Variants in SPIRE1 observed in about 807,000 individuals in gnomAD.
SPIRE1 encodes protein spire homolog 1.
In SPIRE1, 40 loss-of-function variants were observed where a neutral mutation model predicts 94.1. The ratio of observed to expected loss-of-function variants is 0.43; its 90% CI spans 0.33 to 0.55. SPIRE1 has a LOEUF of 0.55. Among genes scored for constraint, SPIRE1 ranks in the 20% least tolerant of loss-of-function variants. The probability of loss-of-function intolerance (pLI) is 0.06; values close to 1 mark genes in which losing one functional copy is unlikely to be tolerated. For missense variants in SPIRE1, 838 were observed against 975.2 expected, an observed-to-expected ratio of 0.86 and a Z score of 1.87; for synonymous variants, 376 against 371.7, an observed-to-expected ratio of 1.01 and a Z score of -0.13.
chr18:12,526,060 C>CAGAT, intron 4 of SPIRE1, among the ~76,000 whole-genome samples: 1 of 104,128 alleles, frequency 9.6e-6, no homozygotes, highest in Non-Finnish European at 2.2e-5. Flanking sequence ...TGAAGATACA[C>CAGAT]ACACACACAC....
intron 6 of SPIRE1, among the ~76,000 whole-genome samples, chr18:12,497,775 G>T (rs908788576): frequency 6.6e-6 from 1 of 152,160 alleles, no homozygotes; most frequent in African/African-American, 2.4e-5. Flanking sequence ...AGTTTAATCA[G>T]ACTTTTCTAT....
intron 3 of SPIRE1, 72 bp downstream of exon 3, chr18:12,546,601 CA>C (rs2035176983): frequency 1.6e-5 from 19 of 1,151,640 alleles, no homozygotes; most frequent in Middle Eastern, 5.7e-4. Flanking sequence ...ACCATCTCTC[CA>C]GGGGGGGAAA....
At chr18:12,646,851 C>A (rs1306304595) in intron 1 of SPIRE1, among the ~76,000 whole-genome samples, 1 of 151,992 alleles carries the variant, frequency 6.6e-6, no homozygotes, top group Non-Finnish European at 1.5e-5. Flanking sequence ...TTGAGACCAG[C>A]CTGATCAACA....
At chr18:12,657,480 A>C in intron 1 of SPIRE1, 50 bp downstream of exon 1, 1 of 1,210,724 alleles carries the variant, frequency 8.3e-7, no homozygotes, top group Non-Finnish European at 1.0e-6. Flanking sequence ...AAGGCGGCCC[A>C]GCCGCGGGTG....
chr18:12,489,492 T>C (rs2033156219), intron 8 of SPIRE1, among the ~76,000 whole-genome samples: 1 of 152,226 alleles, frequency 6.6e-6, no homozygotes, highest in East Asian at 1.9e-4. Flanking sequence ...ATGACATTTA[T>C]ATATTTTCCA....
At chr18:12,489,090 A>AG (rs983938463) in intron 8 of SPIRE1, among the ~76,000 whole-genome samples, 6 of 152,208 alleles carry the variant, frequency 3.9e-5, no homozygotes, top group African/African-American at 1.4e-4. Context: ...CGGGAGGCTG[A>AG]GGCAGGAGAA....
chr18:12,629,578 A>C (rs2037720988), intron 2 of SPIRE1, among the ~76,000 whole-genome samples: 1 of 152,108 alleles, frequency 6.6e-6, no homozygotes, highest in Non-Finnish European at 1.5e-5. Context: ...CCTTTTCAAA[A>C]CTGTAAGAAC....
In SPIRE1 at chr18:12,454,030, G is replaced by A. The variant is rs560436539; in HGVS notation, c.1776+316C>T. Among the ~76,000 whole-genome samples, 75 of 152,212 alleles carry A rather than the reference G, an allele frequency of 4.9e-4. No individual in the cohort carries two copies. In the Middle Eastern group the frequency reaches 0.01, roughly 21 times the overall value. ...GATATCCCAACCTCGTGATCTGCCCGCCTCAGCTTCCCGAAGTGCTGGGAT... is the reference window on the plus strand; with the variant it reads ...GATATCCCAACCTCGTGATCTGCCCACCTCAGCTTCCCGAAGTGCTGGGAT... On this transcript the variant is annotated intron_variant, in intron 13 of 16. Coordinates refer to ENST00000409402, the MANE Select transcript of SPIRE1 (RefSeq NM_001128626.2).
At chr18:12,643,761 A>G (rs1482964682) in intron 1 of SPIRE1, among the ~76,000 whole-genome samples, 5 of 152,204 alleles carry the variant, frequency 3.3e-5, no homozygotes, top group Middle Eastern at 3.2e-3. Flanking sequence ...TTAGCTATTT[A>G]ACCTTTACTA....
intron 1 of SPIRE1, among the ~76,000 whole-genome samples, chr18:12,645,899 T>A (rs1191596483): frequency 6.6e-6 from 1 of 151,810 alleles, no homozygotes; most frequent in Non-Finnish European, 1.5e-5. Context: ...CCCACACACA[T>A]CCTCCGCTCC....
Position 12,452,513 on chromosome 18 carries a change from C to T in SPIRE1, c.1848-1G>A. 6.2e-7 allele frequency: 1 copy of T among 1,613,848 alleles called. No homozygotes were observed. The highest frequency in any genetic ancestry group is 8.5e-7 in the Non-Finnish European group (1 of 1,180,036). On this transcript the variant is annotated splice_acceptor_variant, in intron 14 of 16. Transcript: ENST00000409402. LOFTEE classifies it high-confidence loss of function. The stretch of plus-strand genomic sequence containing the variant: ...TTTGCAACACTGTGAGCACACCGGC[C>T]TGTAAACAAAATCATAAATGTTATT...
chr18:12,491,735 A>T (rs908647809), intron 8 of SPIRE1, among the ~76,000 whole-genome samples: 1 of 152,226 alleles, frequency 6.6e-6, no homozygotes, highest in Non-Finnish European at 1.5e-5. Flanking sequence ...CACGAAGGTC[A>T]CACAACAGAA....
intron 2 of SPIRE1, among the ~76,000 whole-genome samples, chr18:12,597,157 T>TACAC (rs58238813): frequency 0.03 from 4,378 of 144,068 alleles, 69 homozygotes; most frequent in Non-Finnish European, 0.032. Context: ...TGTCTCTTTC[T>TACAC]ACACACACAC....
intron 12 of SPIRE1, among the ~76,000 whole-genome samples, chr18:12,461,528 T>C (rs1305279855): frequency 4.0e-5 from 6 of 148,824 alleles, no homozygotes; most frequent in Non-Finnish European, 6.0e-5. Context: ...ATATGTGTGG[T>C]ATGTACGTAC....
chr18:12,495,022 C>T (rs891488217), intron 7 of SPIRE1, among the ~76,000 whole-genome samples: 2 of 141,758 alleles, frequency 1.4e-5, no homozygotes, highest in Non-Finnish European at 3.0e-5. Flanking sequence ...CGCACTCCAG[C>T]CTGGGCGACA....
chr18:12,537,856 C>A (rs28676402), intron 3 of SPIRE1, among the ~76,000 whole-genome samples: 14 of 151,986 alleles, frequency 9.2e-5, no homozygotes, highest in Middle Eastern at 3.2e-3. Flanking sequence ...TTAAAGAAGA[C>A]CTAAATAAAC....
intron 5 of SPIRE1, among the ~76,000 whole-genome samples, chr18:12,511,106 G>T (rs753611428): frequency 2.6e-5 from 4 of 152,180 alleles, no homozygotes; most frequent in Non-Finnish European, 5.9e-5. Flanking sequence ...CCTCACACAG[G>T]TAACTGTTCA....
At chr18:12,590,369 C>T (rs944495592) in intron 2 of SPIRE1, among the ~76,000 whole-genome samples, 4 of 152,144 alleles carry the variant, frequency 2.6e-5, no homozygotes, top group African/African-American at 9.7e-5. Flanking sequence ...GGATTACAGA[C>T]GTGAGCCACC....
At chr18:12,599,803 G>A (rs1030374493) in intron 2 of SPIRE1, among the ~76,000 whole-genome samples, 1 of 152,124 alleles carries the variant, frequency 6.6e-6, no homozygotes, top group African/African-American at 2.4e-5. Flanking sequence ...GTGGCACACA[G>A]ACTCTAAGAC....
Sources: gnomAD v4.1 joint callset for allele counts (sites outside exome capture counted in the v4.1 genomes callset) on GRCh38, gnomAD v4.1.1 for gene constraint, MANE v1.5 for transcripts, NCBI Gene and HGNC (gene_info 2026-07-23, HGNC 2026-07-21) for gene names.